Variants in CADPS2 observed in about 807,000 individuals in gnomAD.
CADPS2 encodes the protein calcium dependent secretion activator 2.
CADPS2 carries 93 observed loss-of-function variants against 172.5 expected under a neutral mutation model. That is an observed-to-expected ratio of 0.54 (90% confidence interval 0.46 to 0.64). CADPS2 has a LOEUF of 0.64. Ranked by LOEUF, CADPS2 falls within the 30% of genes least tolerant of loss-of-function variation. The pLI, the probability that CADPS2 is intolerant of heterozygous loss-of-function variation, is 0.00. For missense variants in CADPS2, 1,420 were observed against 1,565.9 expected (o/e 0.91, Z 1.57); for synonymous variants, 546 against 555.2 (o/e 0.98, Z 0.23).
At chr7:122,690,027 A>G (rs777289561) in intron 2 of CADPS2, among the ~76,000 whole-genome samples, 30 of 152,140 alleles carry the variant, frequency 2.0e-4, no homozygotes, top group Non-Finnish European at 3.2e-4. Context: ...CTGGATGCAC[A>G]CGCCAGGGCA....
chr7:122,393,295 G>T lies in CADPS2; in HGVS notation c.2909C>A (p.Pro970His), dbSNP rs759038049. ...TGGAACTTTTGGAAGAGCTACATTG[G>T]GAAGACTGTTGGCGATATTCCTGTA... ...QPVKNIANSL[P>H]NVALPKVPSL... The change falls in exon 22 of 30, where the codon CCC becomes CAC. Residue 970 changes from proline to histidine, a missense_variant. Physicochemically the swap from Pro to His is moderately conservative, Grantham distance 77 (BLOSUM62 -2). Coordinates refer to ENST00000449022, the MANE Select transcript of CADPS2 (RefSeq NM_017954.11). The T allele has an allele frequency of 9.9e-6, 16 of 1,613,860 alleles. No individual in the cohort carries two copies. Among genetic ancestry groups the T allele is most frequent in the Non-Finnish European group, 1.4e-5 (16 of 1,179,798 alleles).
chr7:122,339,902 G>A (rs2036511180), intron 28 of CADPS2, among the ~76,000 whole-genome samples: 1 of 152,026 alleles, frequency 6.6e-6, no homozygotes, highest in Admixed American at 6.6e-5. Context: ...ATAAAGTTCT[G>A]GGCATTTCCC....
chr7:122,778,064 G>A (rs1039981066), intron 1 of CADPS2, among the ~76,000 whole-genome samples: 1 of 152,030 alleles, frequency 6.6e-6, no homozygotes, highest in African/African-American at 2.4e-5. Context: ...GAAAATGTAG[G>A]AAAGTTTGGA....
At chr7:122,697,917 C>T in intron 2 of CADPS2, 1 of 1,613,924 alleles carries the variant, frequency 6.2e-7, no homozygotes, top group South Asian at 1.1e-5. Flanking sequence ...TATTTGTCTC[C>T]TCTTCACTAG....
intron 1 of CADPS2, among the ~76,000 whole-genome samples, chr7:122,885,446 C>G (rs992749104): frequency 1.3e-5 from 2 of 151,804 alleles, no homozygotes; most frequent in Non-Finnish European, 2.9e-5. Context: ...ATTTGATGTC[C>G]TGGTTGTATG....
chr7:122,714,611 A>T (rs2089311906), intron 2 of CADPS2, among the ~76,000 whole-genome samples: 1 of 152,170 alleles, frequency 6.6e-6, no homozygotes, highest in African/African-American at 2.4e-5. Context: ...ACAAATACAT[A>T]CAAGATGGGC....
chr7:122,821,232 T>C (rs1330367138), intron 1 of CADPS2, among the ~76,000 whole-genome samples: 1 of 152,158 alleles, frequency 6.6e-6, no homozygotes, highest in African/African-American at 2.4e-5. Context: ...GCTTGATTTA[T>C]TGATGGCGGT....
At chr7:122,788,177 A>G (rs887614019) in intron 1 of CADPS2, among the ~76,000 whole-genome samples, 3 of 152,184 alleles carry the variant, frequency 2.0e-5, no homozygotes, top group Non-Finnish European at 2.9e-5. Context: ...CTGCTACTAT[A>G]AAGTGTCTTA....
Position 122,319,443 on chromosome 7 carries a change from CAGG to C in CADPS2, c.*719_*721del, listed in dbSNP as rs1383879841. On this transcript the variant is annotated 3_prime_UTR_variant, in exon 30 of 30. Transcript: ENST00000449022. ...TTGCCTGCAAGCTGTTATACTGGAG[CAGG>C]AGAATATGGTATCTTGACGGAAGCA... 9 of 152,240 alleles carry C rather than the reference CAGG, an allele frequency of 5.9e-5. No homozygotes were observed. The East Asian group carries it at 1.7e-3, about 29-fold the overall frequency. 9.4% of individuals were successfully genotyped at this position (152,240 alleles called of 1,614,324 possible). A position where few individuals can be genotyped will look rare whatever the true frequency, so the allele number is the denominator to read the frequency against.
intron 8 of CADPS2, among the ~76,000 whole-genome samples, chr7:122,549,002 T>A (rs933855634): frequency 1.3e-5 from 2 of 152,242 alleles, no homozygotes; most frequent in Non-Finnish European, 2.9e-5. Context: ...ATAACTGTTA[T>A]ACTCTCAATG....
chr7:122,597,659 C>A (rs1189112026), intron 6 of CADPS2, among the ~76,000 whole-genome samples: 1 of 152,074 alleles, frequency 6.6e-6, no homozygotes, highest in Non-Finnish European at 1.5e-5. Flanking sequence ...AAGTAAAATA[C>A]AAAGTCCATT....
intron 1 of CADPS2, among the ~76,000 whole-genome samples, chr7:122,849,580 GA>G (rs1178999786): frequency 6.6e-6 from 1 of 152,144 alleles, no homozygotes; most frequent in African/African-American, 2.4e-5. Flanking sequence ...AGTGAAAACA[GA>G]GTCTGTGCGT....
intron 8 of CADPS2, among the ~76,000 whole-genome samples, chr7:122,553,140 T>C (rs979494583): frequency 1.3e-5 from 2 of 152,150 alleles, no homozygotes; most frequent in Admixed American, 1.3e-4. Flanking sequence ...AAAAATCAGG[T>C]ATTATTTCTC....
chr7:122,880,241 C>G (rs1167492574), intron 1 of CADPS2, among the ~76,000 whole-genome samples: 1 of 152,130 alleles, frequency 6.6e-6, no homozygotes, highest in African/African-American at 2.4e-5. Flanking sequence ...CACACTTACC[C>G]TAAGCATTCA....
intron 5 of CADPS2, among the ~76,000 whole-genome samples, chr7:122,619,300 T>C (rs1405008942): frequency 6.6e-6 from 1 of 152,146 alleles, no homozygotes; most frequent in African/African-American, 2.4e-5. Flanking sequence ...ATAAAAGTTA[T>C]TTGCTCTACA....
Position 122,325,587 on chromosome 7 carries a change from A to T in CADPS2, c.3613-6T>A. On this transcript the variant is annotated splice_region_variant and splice_polypyrimidine_tract_variant and intron_variant, in intron 28 of 29. Coordinates refer to ENST00000449022, the MANE Select transcript of CADPS2 (RefSeq NM_017954.11). ...ATGGAACTGCTGTACCATTGCTAGA[A>T]GGGAGAATTGGGGCACAGGGGAGGA... is the stretch of plus-strand genomic sequence containing the variant. The T allele has an allele frequency of 6.3e-7, 1 of 1,594,460 alleles. No homozygotes were observed. Among genetic ancestry groups the T allele is most frequent in the East Asian group, 2.2e-5 (1 of 44,620 alleles).
rs182222768 is a variant in CADPS2, at chr7:122,533,315, A to G, written c.1476-20000T>C. Among the ~76,000 whole-genome samples the G allele has an allele frequency of 1.1e-4, 16 of 152,310 alleles. No individual in the cohort carries two copies. The East Asian group carries it at 2.5e-3, about 24-fold the overall frequency. ...CTTGATAACGACAAATCTCTTTAAC[A>G]ATTAATAATTGTCTTACCTGAATGT... On this transcript the variant is annotated intron_variant, in intron 8 of 29. Coordinates refer to ENST00000449022, the MANE Select transcript of CADPS2 (RefSeq NM_017954.11).
intron 3 of CADPS2, among the ~76,000 whole-genome samples, chr7:122,655,056 G>C (rs1418087150): frequency 6.6e-6 from 1 of 152,198 alleles, no homozygotes; most frequent in Non-Finnish European, 1.5e-5. Flanking sequence ...CTAAAGATGT[G>C]ACTAAATTGC....
chr7:122,517,961 T>G (rs2060499536), intron 8 of CADPS2, among the ~76,000 whole-genome samples: 1 of 151,972 alleles, frequency 6.6e-6, no homozygotes, highest in Non-Finnish European at 1.5e-5. Flanking sequence ...GAATTACTAT[T>G]CTTTGTTGTT....
Sources: allele counts gnomAD v4.1 joint callset (sites outside exome capture counted in the v4.1 genomes callset), GRCh38; gene constraint gnomAD v4.1.1; transcripts MANE v1.5; gene names NCBI Gene and HGNC (gene_info 2026-07-23, HGNC 2026-07-21).